Variants in SPMIP2 observed in about 807,000 individuals in gnomAD.
SPMIP2 encodes the protein protein SPMIP2.
At chr4:158,946,294 A>G in the SPMIP2 span, among the ~76,000 whole-genome samples, 16 of 152,216 alleles carry the variant, frequency 1.1e-4, no homozygotes, top group Non-Finnish European at 2.2e-4. Flanking sequence ...TCAAAGACCA[A>G]TGACATCTCG....
At chr4:158,904,633 G>C in the SPMIP2 span, 1 of 1,156,316 alleles carries the variant, frequency 8.6e-7, no homozygotes, top group South Asian at 1.3e-5. Context: ...GATGTCAAAA[G>C]CATGAGAAGA....
the SPMIP2 span, among the ~76,000 whole-genome samples, chr4:159,031,325 C>G: frequency 1.4e-4 from 21 of 152,090 alleles, no homozygotes; most frequent in Non-Finnish European, 4.4e-5. Flanking sequence ...CCTCTAGAGC[C>G]AAATTCAGTT....
At chr4:158,894,170 CTT>C in the SPMIP2 span, among the ~76,000 whole-genome samples, 227 of 127,428 alleles carry the variant, frequency 1.8e-3, 1 homozygote, top group East Asian at 4.3e-3. Context: ...AAAATGTTTT[CTT>C]TTTTTTTTTT....
the SPMIP2 span, among the ~76,000 whole-genome samples, chr4:158,975,547 A>T: frequency 9.2e-5 from 14 of 152,204 alleles, no homozygotes; most frequent in African/African-American, 3.4e-4. Context: ...ACCATTTATT[A>T]AATAGGGAAT....
At chr4:159,037,489 A>C in the SPMIP2 span, among the ~76,000 whole-genome samples, 1 of 151,244 alleles carries the variant, frequency 6.6e-6, no homozygotes, top group East Asian at 1.9e-4. Flanking sequence ...TTAAAAATAT[A>C]ACTACAAGGC....
At chr4:158,897,437 A>C in the SPMIP2 span, among the ~76,000 whole-genome samples, 2 of 152,176 alleles carry the variant, frequency 1.3e-5, no homozygotes, top group African/African-American at 4.8e-5. Context: ...ACAGTGATTG[A>C]ACTAATTTAG....
the SPMIP2 span, among the ~76,000 whole-genome samples, chr4:159,082,449 CTGTGTGTGTGTGTGTGTGTG>C: frequency 4.6e-3 from 519 of 111,660 alleles, 2 homozygotes; most frequent in Admixed American, 7.0e-3. Flanking sequence ...CCACTTTTCT[CTGTGTGTGTGTGTGTGTGTG>C]TGTGTGTGTG....
chr4:159,035,410 T>G, the SPMIP2 span, among the ~76,000 whole-genome samples: 1 of 152,218 alleles, frequency 6.6e-6, no homozygotes, highest in African/African-American at 2.4e-5. Flanking sequence ...CAGTTCCAGC[T>G]TATGTCCCAG....
At chr4:159,032,346 T>C in the SPMIP2 span, among the ~76,000 whole-genome samples, 404 of 152,358 alleles carry the variant, frequency 2.7e-3, 3 homozygotes, top group African/African-American at 9.4e-3. Context: ...CTGCTCTCTC[T>C]ATATATACCA....
At chr4:159,008,256 T>C in the SPMIP2 span, among the ~76,000 whole-genome samples, 1 of 152,354 alleles carries the variant, frequency 6.6e-6, no homozygotes, top group East Asian at 1.9e-4. Context: ...ATAACATATC[T>C]ACATCACAGA....
the SPMIP2 span, among the ~76,000 whole-genome samples, chr4:158,895,102 A>AG: frequency 6.6e-6 from 1 of 152,214 alleles, no homozygotes; most frequent in African/African-American, 2.4e-5. Context: ...TCTCTAAAAA[A>AG]ATGAAGCTGA....
chr4:159,033,742 G>C, the SPMIP2 span, among the ~76,000 whole-genome samples: 1 of 152,160 alleles, frequency 6.6e-6, no homozygotes, highest in African/African-American at 2.4e-5. Flanking sequence ...CACAAGAAGG[G>C]GAGTGGATGA....
the SPMIP2 span, among the ~76,000 whole-genome samples, chr4:159,031,948 G>A: frequency 1.3e-5 from 2 of 152,226 alleles, no homozygotes; most frequent in Admixed American, 1.3e-4. Flanking sequence ...GGGGCCGGTT[G>A]TGGTGGCTCA....
the SPMIP2 span, among the ~76,000 whole-genome samples, chr4:158,990,363 A>G: frequency 6.6e-6 from 1 of 152,194 alleles, no homozygotes; most frequent in Non-Finnish European, 1.5e-5. Context: ...TTGACTCAGC[A>G]ATCCCATCAC....
At chr4:158,961,448 AC>A in the SPMIP2 span, among the ~76,000 whole-genome samples, 1 of 152,144 alleles carries the variant, frequency 6.6e-6, no homozygotes, top group Non-Finnish European at 1.5e-5. Flanking sequence ...AAACAAGGTC[AC>A]TATTCCATAG....
the SPMIP2 span, among the ~76,000 whole-genome samples, chr4:158,979,789 GTTTTT>G: frequency 0.37 from 39,082 of 105,670 alleles, 6,154 homozygotes; most frequent in South Asian, 0.54. Flanking sequence ...AGTTGCAAGA[GTTTTT>G]TTTTTTTTTT....
At chr4:158,957,705 G>A in the SPMIP2 span, among the ~76,000 whole-genome samples, 5 of 152,136 alleles carry the variant, frequency 3.3e-5, no homozygotes, top group Non-Finnish European at 5.9e-5. Flanking sequence ...GATTACAGGC[G>A]TGAGCCACTG....
At chr4:158,903,571 T>C in the SPMIP2 span, among the ~76,000 whole-genome samples, 2 of 152,142 alleles carry the variant, frequency 1.3e-5, no homozygotes, top group African/African-American at 4.8e-5. Flanking sequence ...GTCCTCTTAG[T>C]GCATTATTAG....
chr4:159,053,339 A>G, the SPMIP2 span, among the ~76,000 whole-genome samples: 3 of 152,138 alleles, frequency 2.0e-5, no homozygotes, highest in African/African-American at 7.2e-5. Flanking sequence ...TTTTGGGTTA[A>G]ATGGTATCTA....
Sources: allele counts gnomAD v4.1 joint callset (sites outside exome capture counted in the v4.1 genomes callset), GRCh38; gene constraint gnomAD v4.1.1; transcripts MANE v1.5; gene names NCBI Gene and HGNC (gene_info 2026-07-23, HGNC 2026-07-21).